Variants in ELOVL7 observed in about 807,000 individuals in gnomAD.
The protein encoded by ELOVL7 is ELOVL fatty acid elongase 7, also known as very long chain fatty acid elongase 7.
ELOVL7 carries 27 observed loss-of-function variants against 35.7 expected under a neutral mutation model. The observed-to-expected ratio is 0.76, with a 90% confidence interval of 0.56 to 1.04. ELOVL7 has a LOEUF of 1.04. Among genes scored for constraint, ELOVL7 ranks in the 50% least tolerant of loss-of-function variants. The pLI, the probability that ELOVL7 is intolerant of heterozygous loss-of-function variation, is 0.00. For missense variants in ELOVL7, 327 were observed against 340.8 expected, an observed-to-expected ratio of 0.96 and a Z score of 0.32; for synonymous variants, 113 against 114.6, an observed-to-expected ratio of 0.99 and a Z score of 0.09.
chr5:60,783,110 T>C (rs185516161), intron 3 of ELOVL7, among the ~76,000 whole-genome samples: 4 of 152,272 alleles, frequency 2.6e-5, no homozygotes. Flanking sequence ...TGAACTGTCA[T>C]AGTTAAGAGC....
chr5:60,783,083 T>A (rs1239469414), intron 3 of ELOVL7, among the ~76,000 whole-genome samples: 1 of 152,158 alleles, frequency 6.6e-6, no homozygotes, highest in Non-Finnish European at 1.5e-5. Context: ...CAACAATTTG[T>A]TAATTGGTGA....
At chr5:60,818,337 A>T (rs1043179126) in intron 1 of ELOVL7, among the ~76,000 whole-genome samples, 4 of 151,514 alleles carry the variant, frequency 2.6e-5, no homozygotes, top group African/African-American at 9.7e-5. Context: ...AAAAAAAAAA[A>T]AAAAAAGTTA....
At chr5:60,821,241 G>A (rs749546103) in intron 1 of ELOVL7, among the ~76,000 whole-genome samples, 16 of 152,110 alleles carry the variant, frequency 1.1e-4, no homozygotes, top group African/African-American at 2.4e-4. Flanking sequence ...CTGTGGTGAC[G>A]CTTAGCACCC....
At chr5:60,768,122 T>A (rs1350874882) in intron 4 of ELOVL7, among the ~76,000 whole-genome samples, 1 of 152,192 alleles carries the variant, frequency 6.6e-6, no homozygotes, top group Non-Finnish European at 1.5e-5. Context: ...TTATATAAAC[T>A]GTGCTCTGAC....
At chr5:60,781,100 T>C (rs1474779071) in intron 3 of ELOVL7, among the ~76,000 whole-genome samples, 1 of 151,600 alleles carries the variant, frequency 6.6e-6, no homozygotes, top group Non-Finnish European at 1.5e-5. Flanking sequence ...ATCACAGCTA[T>C]CTGGGAGACT....
At chr5:60,824,898 G>A (rs1387664473) in intron 1 of ELOVL7, among the ~76,000 whole-genome samples, 1 of 151,740 alleles carries the variant, frequency 6.6e-6, no homozygotes, top group African/African-American at 2.4e-5. Context: ...TGGGCTCCAC[G>A]GCCTTACATG....
rs149119470 is a variant in ELOVL7, at chr5:60,821,711, T to C, written c.-86+22449A>G. 2.4e-3 allele frequency among the ~76,000 whole-genome samples: 360 copies of C among 152,366 alleles called. 1 individual carries two copies. Among genetic ancestry groups the C allele is most frequent in the African/African-American group, 8.2e-3 (340 of 41,586 alleles). On this transcript the variant is annotated intron_variant, in intron 1 of 8. Transcript: ENST00000508821. ...CCTGTGACTGGTGCTGACGCACAAA[T>C]GGTTTCTTACTAGATTGGTACCAGC...
chr5:60,762,180 T>C (rs1741962533), intron 7 of ELOVL7, among the ~76,000 whole-genome samples: 1 of 150,530 alleles, frequency 6.6e-6, no homozygotes, highest in Non-Finnish European at 1.5e-5. Flanking sequence ...CTGATGTCCA[T>C]AAACATAGTA....
chr5:60,807,731 G>T (rs909050729), intron 1 of ELOVL7, among the ~76,000 whole-genome samples: 11 of 151,994 alleles, frequency 7.2e-5, no homozygotes, highest in African/African-American at 9.7e-5. Flanking sequence ...CGGGCGCGGT[G>T]GTTCACGCCT....
At chr5:60,768,788 T>C in intron 4 of ELOVL7, 2 of 416,904 alleles carry the variant, frequency 4.8e-6, no homozygotes, top group East Asian at 7.1e-5. Context: ...GTTCTTCTCA[T>C]ACATGCCAAA....
chr5:60,812,973 T>A (rs1423061787), intron 1 of ELOVL7, among the ~76,000 whole-genome samples: 1 of 152,296 alleles, frequency 6.6e-6, no homozygotes, highest in South Asian at 2.1e-4. Context: ...CCTAAAACAA[T>A]GGTAATGACT....
chr5:60,822,445 C>T (rs1341236161), intron 1 of ELOVL7, among the ~76,000 whole-genome samples: 1 of 152,090 alleles, frequency 6.6e-6, no homozygotes, highest in Non-Finnish European at 1.5e-5. Context: ...ATGGGTGAGC[C>T]TAAGAGCAAG....
At chr5:60,754,865 C>T in intron 8 of ELOVL7, 32 bp from the exon 9 acceptor site, 1 of 1,588,188 alleles carries the variant, frequency 6.3e-7, no homozygotes, top group Non-Finnish European at 8.6e-7. Flanking sequence ...AAAAATTATT[C>T]AGATATGAAG....
At position 60,772,043 on chromosome 5, in the gene ELOVL7, T is replaced by C. The variant is rs767713024; in HGVS notation, c.115A>G (p.Ile39Val). The C allele has an allele frequency of 2.5e-6, 4 of 1,613,544 alleles. No homozygotes were observed. In the South Asian group the frequency reaches 4.4e-5, roughly 18 times the overall value. The change falls in exon 4 of 9, where the codon ATC (isoleucine) becomes GTC (valine). Residue 39 changes from isoleucine to valine, a missense_variant. Transcript: ENST00000508821. ...AAATAGACATAGAATCCTAGGAGGA[T>C]GGTTTGTGGCAGAGGCGAGGACATG... Reference protein sequence around the residue: ...LLMSSPLPQTILLGFYVYFVT... With the variant: ...LLMSSPLPQTVLLGFYVYFVT...
intron 3 of ELOVL7, among the ~76,000 whole-genome samples, chr5:60,782,767 A>G (rs1743339978): frequency 6.6e-6 from 1 of 152,240 alleles, no homozygotes; most frequent in Admixed American, 6.5e-5. Context: ...TAAGAAGAGT[A>G]GAATGGTGGT....
chr5:60,816,654 C>T (rs1195700568), intron 1 of ELOVL7, among the ~76,000 whole-genome samples: 1 of 152,144 alleles, frequency 6.6e-6, no homozygotes, highest in Admixed American at 6.5e-5. Context: ...ATGATAATGC[C>T]ATGGCAGCTT....
chr5:60,763,975 T>C (rs565143362), intron 7 of ELOVL7, among the ~76,000 whole-genome samples: 2 of 152,194 alleles, frequency 1.3e-5, no homozygotes, highest in South Asian at 2.1e-4. Context: ...AAGAATAAAA[T>C]ACAAACAAAA....
chr5:60,843,138 G>T (rs1747276993), intron 1 of ELOVL7, among the ~76,000 whole-genome samples: 1 of 152,006 alleles, frequency 6.6e-6, no homozygotes, highest in South Asian at 2.1e-4. Context: ...CTTTCCGAGG[G>T]GAGATCGTAG....
At chr5:60,795,307 CCGG>C (rs1305155884) in intron 2 of ELOVL7, among the ~76,000 whole-genome samples, 3 of 152,110 alleles carry the variant, frequency 2.0e-5, no homozygotes, top group African/African-American at 7.2e-5. Context: ...GGTGACTGCA[CCGG>C]CCTTTAAACA....
Sources: gnomAD v4.1 joint callset for allele counts (sites outside exome capture counted in the v4.1 genomes callset) on GRCh38, gnomAD v4.1.1 for gene constraint, MANE v1.5 for transcripts, NCBI Gene and HGNC (gene_info 2026-07-23, HGNC 2026-07-21) for gene names.